ARHGEF7: variants seen among roughly 807,000 people sequenced by gnomAD.
ARHGEF7 encodes the protein PAK-interacting exchange factor beta.
A neutral mutation model predicts 109.8 loss-of-function variants in ARHGEF7; 33 were observed. The observed-to-expected ratio is 0.30, with a 90% confidence interval of 0.23 to 0.40. The LOEUF (loss-of-function observed/expected upper bound fraction) is 0.40, where lower values mean the gene tolerates loss of function less well. ARHGEF7 is among the 10% of genes least tolerant of loss of function. The probability of loss-of-function intolerance (pLI) is 1.00; values close to 1 mark genes in which losing one functional copy is unlikely to be tolerated. For missense variants in ARHGEF7, 938 were observed against 1,098.5 expected, an observed-to-expected ratio of 0.85 and a Z score of 2.07; for synonymous variants, 458 against 424.6, an observed-to-expected ratio of 1.08 and a Z score of -0.97.
chr13:111,172,371 G>A (rs561603726), intron 2 of ARHGEF7, among the ~76,000 whole-genome samples: 82 of 152,234 alleles, frequency 5.4e-4, no homozygotes, highest in African/African-American at 1.7e-3. Flanking sequence ...TTAGAGCATC[G>A]TCTCTGTGGA....
At chr13:111,262,830 A>G (rs1055790597) in intron 8 of ARHGEF7, among the ~76,000 whole-genome samples, 1 of 152,186 alleles carries the variant, frequency 6.6e-6, no homozygotes, top group African/African-American at 2.4e-5. Flanking sequence ...CAGATCATTC[A>G]TGGACACAAT....
At chr13:111,296,304 A>C (rs1349541772) in intron 19 of ARHGEF7, among the ~76,000 whole-genome samples, 2 of 152,304 alleles carry the variant, frequency 1.3e-5, no homozygotes, top group East Asian at 3.9e-4. Flanking sequence ...TTTTGTGCTC[A>C]TGTTAACACA....
intron 1 of ARHGEF7, among the ~76,000 whole-genome samples, chr13:111,126,291 G>A (rs1239732083): frequency 6.6e-6 from 1 of 152,192 alleles, no homozygotes; most frequent in Non-Finnish European, 1.5e-5. Flanking sequence ...AGGAGCTCAA[G>A]ACCAGCCTGG....
chr13:111,169,642 G>A (rs1040711787), intron 2 of ARHGEF7, among the ~76,000 whole-genome samples: 7 of 152,182 alleles, frequency 4.6e-5, no homozygotes, highest in Admixed American at 2.0e-4. Context: ...TGGTCCTTGC[G>A]TTGGTAACCA....
chr13:111,265,916 C>T (rs957871791), intron 8 of ARHGEF7, among the ~76,000 whole-genome samples: 9 of 152,216 alleles, frequency 5.9e-5, no homozygotes, highest in South Asian at 2.1e-4. Flanking sequence ...ACCCAGTCCG[C>T]GGTGTTCTGT....
intron 10 of ARHGEF7, 140 bp from the exon 11 acceptor site, chr13:111,274,591 T>C: frequency 2.3e-6 from 1 of 434,224 alleles, no homozygotes; most frequent in Non-Finnish European, 4.0e-6. Flanking sequence ...GCTGAAAGAC[T>C]GACACTTTAA....
At position 111,233,268 on chromosome 13, in the gene ARHGEF7, C is replaced by T. The variant is rs1160791791; in HGVS notation, c.734C>T (p.Ala245Val). Residue 245 changes from alanine to valine, a missense_variant, in exon 6 of 22, where the codon GCC (alanine) becomes GTC (valine). Ala to Val is a moderately conservative substitution (Grantham distance 64, BLOSUM62 0). Around this residue, in one of 4 missense-constraint regions of ARHGEF7, gnomAD observed 585 missense variants for 723.6 expected, o/e 0.81. Coordinates refer to ENST00000646102, the MANE Select transcript of ARHGEF7 (RefSeq NM_001354046.2). Reference sequence around the variant, plus strand: ...CCTCCCAAAGGATTTGATACGACTGCCATAAACAAAAGCTATTACAATGTG... The same window carrying T: ...CCTCCCAAAGGATTTGATACGACTGTCATAAACAAAAGCTATTACAATGTG... ...KSPPKGFDTTAINKSYYNVVL... is the reference protein window; with the variant it reads ...KSPPKGFDTTVINKSYYNVVL... 2.5e-6 allele frequency: 4 copies of T among 1,613,806 alleles called. No individual in the cohort carries two copies. In the African/African-American group the frequency reaches 5.3e-5, roughly 22 times the overall value.
At chr13:111,133,124 T>G (rs1227251907) in intron 1 of ARHGEF7, among the ~76,000 whole-genome samples, 1 of 152,156 alleles carries the variant, frequency 6.6e-6, no homozygotes. Context: ...TCTACACATT[T>G]ATACACGTGC....
Position 111,228,464 on chromosome 13 carries a change from C to T in ARHGEF7, c.671-4741C>T, listed in dbSNP as rs904033661. Among the ~76,000 whole-genome samples the T allele has an allele frequency of 6.6e-6, 1 of 152,144 alleles. No homozygotes were observed. Among genetic ancestry groups the T allele is most frequent in the Non-Finnish European group, 1.5e-5 (1 of 68,030 alleles). On this transcript the variant is annotated intron_variant, in intron 5 of 21. Transcript: ENST00000646102. This position sits in a 1 kb window ranked among gnomAD's most constrained non-coding sequence, Gnocchi z 4.6. Reference sequence around the variant, plus strand: ...CTGATGGTGCTTCCAGCAGAGAACACGGCGGGAGCGGATGAGGCAGGCTCG... The same window carrying T: ...CTGATGGTGCTTCCAGCAGAGAACATGGCGGGAGCGGATGAGGCAGGCTCG...
At chr13:111,150,649 C>T (rs2075842256) in intron 1 of ARHGEF7, among the ~76,000 whole-genome samples, 1 of 152,180 alleles carries the variant, frequency 6.6e-6, no homozygotes, top group Non-Finnish European at 1.5e-5. Flanking sequence ...ATCAATAATG[C>T]TGCGTATAGT....
chr13:111,298,788 T>C (rs1157294297), intron 19 of ARHGEF7, among the ~76,000 whole-genome samples: 2 of 152,188 alleles, frequency 1.3e-5, no homozygotes, highest in Non-Finnish European at 2.9e-5. Flanking sequence ...GGTCTGCTGC[T>C]GCCAGCTGGT....
intron 18 of ARHGEF7, among the ~76,000 whole-genome samples, chr13:111,291,300 A>AGAAAT (rs2093271651): frequency 6.6e-6 from 1 of 152,234 alleles, no homozygotes; most frequent in Non-Finnish European, 1.5e-5. Flanking sequence ...TTCTCTCCTG[A>AGAAAT]CATGTTGTGC....
intron 15 of ARHGEF7, among the ~76,000 whole-genome samples, chr13:111,282,407 C>G (rs1188369351): frequency 6.6e-6 from 1 of 152,104 alleles, no homozygotes; most frequent in Non-Finnish European, 1.5e-5. Flanking sequence ...TTTGGGTTTT[C>G]CAGGAATATA....
chr13:111,212,020 T>C (rs772769313), intron 4 of ARHGEF7, among the ~76,000 whole-genome samples: 26 of 152,194 alleles, frequency 1.7e-4, no homozygotes, highest in Non-Finnish European at 3.1e-4. Context: ...TTTGCTCTTG[T>C]GTTGCTCCTT....
chr13:111,180,484 A>C (rs1303335260), intron 2 of ARHGEF7, among the ~76,000 whole-genome samples: 2 of 152,260 alleles, frequency 1.3e-5, no homozygotes, highest in African/African-American at 4.8e-5. Context: ...GATTCTTTAA[A>C]ACATGCATGA....
chr13:111,140,721 T>C (rs1594957539), intron 1 of ARHGEF7, among the ~76,000 whole-genome samples: 1 of 152,066 alleles, frequency 6.6e-6, no homozygotes, highest in South Asian at 2.1e-4. Context: ...AGAGGCAGGG[T>C]CTTTTTCTAT....
Position 111,266,077 on chromosome 13 carries a change from C to G in ARHGEF7, c.951-1471C>G, listed in dbSNP as rs1185920033. On this transcript the variant is annotated intron_variant, in intron 8 of 21. Coordinates refer to ENST00000646102, the MANE Select transcript of ARHGEF7 (RefSeq NM_001354046.2). This position sits in a 1 kb window ranked among gnomAD's most constrained non-coding sequence, Gnocchi z 4.8. ...ACGTCTTTCATTTTTTTTTGCATTC[C>G]TCTGTCATTTTGGTCACGTACCTGC... 6.6e-6 allele frequency among the ~76,000 whole-genome samples: 1 copy of G among 151,950 alleles called. No individual in the cohort carries two copies. Among genetic ancestry groups the G allele is most frequent in the Non-Finnish European group, 1.5e-5 (1 of 67,952 alleles).
At chr13:111,249,918 T>A (rs1393146177) in intron 8 of ARHGEF7, among the ~76,000 whole-genome samples, 1 of 152,234 alleles carries the variant, frequency 6.6e-6, no homozygotes, top group African/African-American at 2.4e-5. Context: ...CAAGCTTCAC[T>A]TTCCCACTGG....
intron 1 of ARHGEF7, among the ~76,000 whole-genome samples, chr13:111,120,465 A>C (rs1258690526): frequency 1.0e-5 from 1 of 100,490 alleles, no homozygotes; most frequent in African/African-American, 4.3e-5. Flanking sequence ...AAACACATGC[A>C]TGTAAATACA....
Sources: allele counts gnomAD v4.1 joint callset (sites outside exome capture counted in the v4.1 genomes callset), GRCh38; gene constraint gnomAD v4.1.1; regional missense constraint gnomAD v4.1.1; non-coding constraint Gnocchi (gnomAD v3.1); transcripts MANE v1.5; gene names NCBI Gene and HGNC (gene_info 2026-07-23, HGNC 2026-07-21).